The following REC114 variants were observed in gnomAD, a reference collection of about 807,000 sequenced individuals.
REC114 encodes the protein REC114 meiotic recombination protein.
Under a neutral mutation model 31.3 loss-of-function variants are expected in REC114, and 27 were observed. That is an observed-to-expected ratio of 0.86 (90% CI 0.64 to 1.19). REC114 has a LOEUF of 1.19. REC114 is among the 50% of genes most tolerant of loss of function. The pLI is 0.00. For synonymous variants in REC114, 134 were observed against 127.7 expected (o/e 1.05, Z -0.33); for missense variants, 344 against 326.9 (o/e 1.05, Z -0.40).
chr15:73,455,038 C>T, intron 1 of REC114, among the ~76,000 whole-genome samples: 1 of 152,168 alleles, frequency 6.6e-6, no homozygotes, highest in East Asian at 1.9e-4. Flanking sequence ...GTTTTGAAAA[C>T]TGAACATTTG....
At chr15:73,538,455 C>CTTTTT (rs34642401) in intron 2 of REC114, among the ~76,000 whole-genome samples, 24 of 124,102 alleles carry the variant, frequency 1.9e-4, no homozygotes, top group Non-Finnish European at 2.9e-4. Context: ...AATTCTATTT[C>CTTTTT]TTTTTTTTTT....
intron 1 of REC114, among the ~76,000 whole-genome samples, chr15:73,445,649 G>A (rs534191750): frequency 6.6e-6 from 1 of 152,262 alleles, no homozygotes; most frequent in South Asian, 2.1e-4. Flanking sequence ...TAGTTGGCTG[G>A]ATTTCAATAT....
chr15:73,503,282 G>A (rs2141309720), intron 2 of REC114, among the ~76,000 whole-genome samples: 1 of 152,258 alleles, frequency 6.6e-6, no homozygotes, highest in South Asian at 2.1e-4. Flanking sequence ...ACGTTCCCCA[G>A]TGTTTCAACT....
intron 1 of REC114, among the ~76,000 whole-genome samples, chr15:73,455,563 T>G (rs1892903957): frequency 6.6e-6 from 1 of 152,018 alleles, no homozygotes; most frequent in African/African-American, 2.4e-5. Flanking sequence ...GAAGTCCTAG[T>G]TGAGAGGGAA....
chr15:73,514,368 G>A (rs939211824), intron 2 of REC114, among the ~76,000 whole-genome samples: 1 of 151,686 alleles, frequency 6.6e-6, no homozygotes, highest in African/African-American at 2.4e-5. Flanking sequence ...AGATGAACCC[G>A]GTACCTCAGA....
chr15:73,529,943 T>C (rs1362569340), intron 2 of REC114, among the ~76,000 whole-genome samples: 1 of 152,254 alleles, frequency 6.6e-6, no homozygotes, highest in African/African-American at 2.4e-5. Flanking sequence ...TCATGATTTC[T>C]AGATGATAAA....
At position 73,473,878 on chromosome 15, in the gene REC114, T is replaced by A; in HGVS notation, c.206T>A (p.Val69Asp). 3 of 1,588,934 alleles carry A rather than the reference T, an allele frequency of 1.9e-6. No homozygotes were observed. The change falls in exon 2 of 6, where the codon GTT becomes GAT. Residue 69 changes from valine (V) to aspartate (D), a missense_variant. Transcript: ENST00000331090. ...EESGYLVLTI[V>D]ISGHFFIFQG... ...TCTGGATATCTTGTTCTCACCATAG[T>A]TATATCAGGTCATTTCTTCATTTTC...
intron 2 of REC114, among the ~76,000 whole-genome samples, chr15:73,501,315 A>G (rs1893601519): frequency 6.6e-6 from 1 of 152,236 alleles, no homozygotes; most frequent in Non-Finnish European, 1.5e-5. Flanking sequence ...GGCAAGGTGC[A>G]TTTTACCTAA....
chr15:73,446,605 A>G (rs915285123), intron 1 of REC114, among the ~76,000 whole-genome samples: 5 of 151,552 alleles, frequency 3.3e-5, no homozygotes, highest in African/African-American at 1.2e-4. Context: ...GTGGCACTGC[A>G]CTCCAACCTG....
At chr15:73,525,038 A>G (rs557474783) in intron 2 of REC114, among the ~76,000 whole-genome samples, 1 of 152,330 alleles carries the variant, frequency 6.6e-6, no homozygotes, top group Admixed American at 6.5e-5. Flanking sequence ...AGTGGCTAGA[A>G]AGAGGTGGAA....
At chr15:73,514,152 C>G (rs1442284808) in intron 2 of REC114, among the ~76,000 whole-genome samples, 2 of 151,644 alleles carry the variant, frequency 1.3e-5, no homozygotes, top group African/African-American at 4.9e-5. Flanking sequence ...CGTGGTGCGC[C>G]GTTTTTTAAG....
At chr15:73,486,010 A>G (rs1488699533) in intron 2 of REC114, among the ~76,000 whole-genome samples, 1 of 152,226 alleles carries the variant, frequency 6.6e-6, no homozygotes, top group African/African-American at 2.4e-5. Flanking sequence ...ACATCTAAAT[A>G]AACTTCAGCT....
intron 2 of REC114, among the ~76,000 whole-genome samples, chr15:73,535,389 G>T (rs1396053683): frequency 1.3e-5 from 2 of 151,664 alleles, no homozygotes; most frequent in Non-Finnish European, 2.9e-5. Flanking sequence ...ACCAGCAACA[G>T]ACAAACAGCC....
intron 1 of REC114, among the ~76,000 whole-genome samples, chr15:73,455,436 T>C (rs569649528): frequency 5.5e-4 from 83 of 152,156 alleles, no homozygotes; most frequent in Non-Finnish European, 1.1e-3. Flanking sequence ...CTCCTGGTAC[T>C]GTTCTCTATA....
chr15:73,559,025 T>C (rs941284673), intron 5 of REC114, among the ~76,000 whole-genome samples: 3 of 152,260 alleles, frequency 2.0e-5, no homozygotes, highest in South Asian at 2.1e-4. Context: ...GTATTCATTA[T>C]GCTAAGTGTA....
intron 2 of REC114, among the ~76,000 whole-genome samples, chr15:73,507,528 G>C (rs912977793): frequency 3.9e-5 from 6 of 152,038 alleles, no homozygotes; most frequent in Admixed American, 2.0e-4. Context: ...CCTAGGGAGG[G>C]GACCTAGGTG....
chr15:73,456,338 C>CT (rs888255488), intron 1 of REC114, among the ~76,000 whole-genome samples: 120 of 145,132 alleles, frequency 8.3e-4, no homozygotes, highest in East Asian at 4.8e-3. Flanking sequence ...ACTTCTTAGA[C>CT]TTTTTTTTTT....
intron 2 of REC114, among the ~76,000 whole-genome samples, chr15:73,499,378 G>A (rs539728541): frequency 2.0e-4 from 30 of 152,188 alleles, no homozygotes; most frequent in African/African-American, 6.7e-4. Context: ...CCAGAATCCA[G>A]TTTGATCACT....
intron 2 of REC114, among the ~76,000 whole-genome samples, chr15:73,486,545 A>G (rs1359208246): frequency 2.0e-5 from 3 of 152,116 alleles, no homozygotes; most frequent in Non-Finnish European, 4.4e-5. Flanking sequence ...GTCCATTTGT[A>G]CTGCTATAAC....
Sources: allele counts gnomAD v4.1 joint callset (sites outside exome capture counted in the v4.1 genomes callset), GRCh38; gene constraint gnomAD v4.1.1; transcripts MANE v1.5; gene names NCBI Gene and HGNC (gene_info 2026-07-23, HGNC 2026-07-21).